Variants in CNTNAP2 observed in about 807,000 individuals in gnomAD.
The protein encoded by CNTNAP2 is contactin-associated protein-like 2.
CNTNAP2 carries 98 observed loss-of-function variants against 155.2 expected under a neutral mutation model. The ratio of observed to expected loss-of-function variants is 0.63; its 90% CI spans 0.54 to 0.75. The LOEUF is 0.75. Ranked by LOEUF, CNTNAP2 falls within the 30% of genes least tolerant of loss-of-function variation. The probability of loss-of-function intolerance (pLI) is 0.00; values close to 1 mark genes in which losing one functional copy is unlikely to be tolerated. For synonymous variants in CNTNAP2, 651 were observed against 631.2 expected, an observed-to-expected ratio of 1.03 and a Z score of -0.47; for missense variants, 1,727 against 1,688.1, an observed-to-expected ratio of 1.02 and a Z score of -0.40.
intron 2 of CNTNAP2, among the ~76,000 whole-genome samples, chr7:146,814,422 GT>G (rs1803124119): frequency 6.6e-6 from 1 of 151,890 alleles, no homozygotes; most frequent in Non-Finnish European, 1.5e-5. Context: ...TAAATATTAA[GT>G]TAATGGAAAA....
At chr7:147,318,191 C>T (rs1306822956) in intron 9 of CNTNAP2, among the ~76,000 whole-genome samples, 1 of 152,062 alleles carries the variant, frequency 6.6e-6, no homozygotes, top group African/African-American at 2.4e-5. Context: ...CCTATAATCC[C>T]AGCACTTTGA....
intron 14 of CNTNAP2, among the ~76,000 whole-genome samples, chr7:147,937,707 A>T (rs1800636530): frequency 6.6e-6 from 1 of 152,108 alleles, no homozygotes; most frequent in Non-Finnish European, 1.5e-5. Flanking sequence ...CCTGCGTGTC[A>T]CTCACAATTC....
At chr7:148,331,354 T>TGGATGGAATGGAG (rs1563045543) in intron 21 of CNTNAP2, among the ~76,000 whole-genome samples, 6 of 88,538 alleles carry the variant, frequency 6.8e-5, no homozygotes, top group African/African-American at 2.5e-4. Context: ...ATGGAATGGA[T>TGGATGGAATGGAG]GGATGGAGTG....
chr7:147,240,376 A>AT (rs1803908690), intron 8 of CNTNAP2, among the ~76,000 whole-genome samples: 5 of 152,220 alleles, frequency 3.3e-5, no homozygotes, highest in Admixed American at 2.0e-4. Flanking sequence ...GGCAATGAGC[A>AT]AATACAGGTA....
At chr7:146,201,639 AGTGTGTGTGTGT>A (rs57595774) in intron 1 of CNTNAP2, among the ~76,000 whole-genome samples, 68 of 146,884 alleles carry the variant, frequency 4.6e-4, no homozygotes, top group Admixed American at 1.8e-3. Context: ...ATGTCCCACG[AGTGTGTGTGTGT>A]GTGTGTGTGT....
chr7:146,981,323 G>A (rs1018652374), intron 3 of CNTNAP2, among the ~76,000 whole-genome samples: 11 of 152,046 alleles, frequency 7.2e-5, no homozygotes, highest in East Asian at 1.9e-4. Flanking sequence ...GTAAATTTTG[G>A]GATAGAAAAA....
chr7:146,856,293 GATAGATACATACATACATACATAC>G (rs1286421509), intron 3 of CNTNAP2, among the ~76,000 whole-genome samples: 3 of 63,056 alleles, frequency 4.8e-5, no homozygotes, highest in Non-Finnish European at 7.1e-5. Context: ...TAGATAGATA[GATAGATACATACATACATACATAC>G]ATACATACAT....
intron 2 of CNTNAP2, among the ~76,000 whole-genome samples, chr7:146,809,241 G>C (rs1803021707): frequency 6.6e-6 from 1 of 152,004 alleles, no homozygotes; most frequent in East Asian, 1.9e-4. Flanking sequence ...GTTGTTTCTT[G>C]TCTTTTGATA....
intron 12 of CNTNAP2, among the ~76,000 whole-genome samples, chr7:147,625,965 A>G (rs893355338): frequency 1.3e-5 from 2 of 152,190 alleles, no homozygotes; most frequent in Admixed American, 6.5e-5. Context: ...CACATGAAAT[A>G]TAAAAGTAGA....
intron 1 of CNTNAP2, among the ~76,000 whole-genome samples, chr7:146,703,028 TTTTCTTCTCACAA>T (rs1360697430): frequency 6.6e-6 from 1 of 152,136 alleles, no homozygotes; most frequent in Non-Finnish European, 1.5e-5. Flanking sequence ...ACAAATATTT[TTTTCTTCTCACAA>T]AGCAAGTTAT....
intron 13 of CNTNAP2, among the ~76,000 whole-genome samples, chr7:147,783,620 G>A (rs1236704155): frequency 7.2e-5 from 11 of 152,190 alleles, no homozygotes; most frequent in Admixed American, 6.5e-4. Context: ...TAGACAAAAT[G>A]TGTCATCCCA....
chr7:147,301,895 C>G (rs1394395885), intron 9 of CNTNAP2, among the ~76,000 whole-genome samples: 2 of 152,134 alleles, frequency 1.3e-5, no homozygotes, highest in African/African-American at 4.8e-5. Flanking sequence ...CTTAAGTTTT[C>G]TGAGTCCTAT....
intron 10 of CNTNAP2, among the ~76,000 whole-genome samples, chr7:147,472,519 C>T (rs575483464): frequency 9.9e-5 from 15 of 152,022 alleles, no homozygotes; most frequent in Admixed American, 3.9e-4. Flanking sequence ...AGCCCAACAA[C>T]GATTTTTAAA....
intron 1 of CNTNAP2, among the ~76,000 whole-genome samples, chr7:146,721,584 C>CTA (rs1346074664): frequency 1.3e-5 from 1 of 78,868 alleles, no homozygotes; most frequent in Admixed American, 1.2e-4. Context: ...TATATACATT[C>CTA]TATATATATA....
Position 146,679,665 on chromosome 7 carries a change from C to G in CNTNAP2, c.98-94606C>G, listed in dbSNP as rs1158776707. The stretch of plus-strand genomic sequence containing the variant: ...CCACCGTGCCCGGCTGATCTTGTTT[C>G]TTTCTCTCCCTTCCTTCCTCCTTTC... On this transcript the variant is annotated intron_variant, in intron 1 of 23. Transcript: ENST00000361727. 2.6e-5 allele frequency among the ~76,000 whole-genome samples: 4 copies of G among 152,042 alleles called. No homozygotes were observed. In the East Asian group the frequency reaches 7.8e-4, roughly 29 times the overall value.
chr7:147,334,083 C>T (rs2116847178), intron 9 of CNTNAP2, among the ~76,000 whole-genome samples: 1 of 152,248 alleles, frequency 6.6e-6, no homozygotes, highest in South Asian at 2.1e-4. Context: ...TTTTTCAGTC[C>T]TACTCCCATC....
chr7:148,059,292 A>T (rs929013546), intron 15 of CNTNAP2, among the ~76,000 whole-genome samples: 4 of 152,000 alleles, frequency 2.6e-5, no homozygotes, highest in Middle Eastern at 3.2e-3. Flanking sequence ...CATCTCAAAA[A>T]GAAAACAAAA....
chr7:147,706,914 T>C (rs756771804), intron 13 of CNTNAP2, among the ~76,000 whole-genome samples: 2 of 152,150 alleles, frequency 1.3e-5, no homozygotes, highest in Non-Finnish European at 2.9e-5. Flanking sequence ...ATCTAATATA[T>C]TGTTGAAGCT....
At chr7:147,078,635 C>T (rs534793993) in intron 4 of CNTNAP2, among the ~76,000 whole-genome samples, 1 of 151,962 alleles carries the variant, frequency 6.6e-6, no homozygotes, top group African/African-American at 2.4e-5. Flanking sequence ...CCCCTGGCCA[C>T]GATGGTCTAA....
Sources: allele counts gnomAD v4.1 joint callset (sites outside exome capture counted in the v4.1 genomes callset), GRCh38; gene constraint gnomAD v4.1.1; transcripts MANE v1.5; gene names NCBI Gene and HGNC (gene_info 2026-07-23, HGNC 2026-07-21).